The following CADPS2 variants were observed in gnomAD, a reference collection of about 807,000 sequenced individuals.
The protein encoded by CADPS2 is calcium dependent secretion activator 2, also known as calcium-dependent secretion activator 2.
CADPS2 carries 93 observed loss-of-function variants against 172.5 expected under a neutral mutation model. The observed-to-expected ratio is 0.54, with a 90% CI of 0.46 to 0.64. The LOEUF is 0.64. Ranked by LOEUF, CADPS2 falls within the 30% of genes least tolerant of loss-of-function variation. The pLI is 0.00. For synonymous variants in CADPS2, 546 were observed against 555.2 expected, an observed-to-expected ratio of 0.98 and a Z score of 0.23; for missense variants, 1,420 against 1,565.9, an observed-to-expected ratio of 0.91 and a Z score of 1.57.
At chr7:122,557,738 G>C (rs1250450884) in intron 7 of CADPS2, among the ~76,000 whole-genome samples, 1 of 152,114 alleles carries the variant, frequency 6.6e-6, no homozygotes, top group African/African-American at 2.4e-5. Context: ...TGGCCACAAG[G>C]GTGAACTATG....
intron 3 of CADPS2, among the ~76,000 whole-genome samples, chr7:122,647,188 G>A (rs1025102040): frequency 8.6e-5 from 13 of 151,660 alleles, no homozygotes; most frequent in East Asian, 3.8e-4. Flanking sequence ...CACAGTAAGC[G>A]CAGTGAACTT....
chr7:122,454,976 G>A (rs2053584341), intron 14 of CADPS2, among the ~76,000 whole-genome samples: 2 of 152,168 alleles, frequency 1.3e-5, no homozygotes, highest in Admixed American at 6.5e-5. Context: ...ACACTACTCC[G>A]AGCCTCTTCA....
intron 1 of CADPS2, among the ~76,000 whole-genome samples, chr7:122,750,733 CT>C (rs2092917589): frequency 6.6e-6 from 1 of 152,080 alleles, no homozygotes; most frequent in Non-Finnish European, 1.5e-5. Context: ...TTACAATCCC[CT>C]GAAGAGCTTT....
chr7:122,419,256 A>G lies in CADPS2; in HGVS notation c.2477-3092T>C, dbSNP rs551451840. Among the ~76,000 whole-genome samples, 379 of 152,348 alleles carry G rather than the reference A, an allele frequency of 2.5e-3. 3 individuals carry two copies. The highest frequency in any genetic ancestry group is 8.7e-3 in the African/African-American group (360 of 41,582). ...AATTTTTAATTTTGCATGCGATTGCAAAGAGCTCATCTGTATCTAATACAT... is the reference window on the plus strand; with the variant it reads ...AATTTTTAATTTTGCATGCGATTGCGAAGAGCTCATCTGTATCTAATACAT... On this transcript the variant is annotated intron_variant, in intron 17 of 29. Transcript: ENST00000449022.
At chr7:122,638,830 T>G (rs2077322362) in intron 3 of CADPS2, among the ~76,000 whole-genome samples, 1 of 152,218 alleles carries the variant, frequency 6.6e-6, no homozygotes, top group Non-Finnish European at 1.5e-5. Flanking sequence ...CTGTTCTCCA[T>G]GTCCCATTAC....
At chr7:122,471,120 G>C (rs936269647) in intron 14 of CADPS2, among the ~76,000 whole-genome samples, 4 of 152,034 alleles carry the variant, frequency 2.6e-5, no homozygotes, top group African/African-American at 4.8e-5. Flanking sequence ...GAACTAAAAG[G>C]CAGTTTCTAA....
At chr7:122,492,846 T>C (rs1192234936) in intron 9 of CADPS2, among the ~76,000 whole-genome samples, 4 of 152,204 alleles carry the variant, frequency 2.6e-5, no homozygotes, top group Non-Finnish European at 5.9e-5. Flanking sequence ...CACAGGCACA[T>C]CTACCATGCC....
At chr7:122,568,085 A>G (rs1052844487) in intron 7 of CADPS2, among the ~76,000 whole-genome samples, 3 of 152,098 alleles carry the variant, frequency 2.0e-5, no homozygotes, top group African/African-American at 7.2e-5. Flanking sequence ...GGAAAAATAG[A>G]ACATGCTAAT....
chr7:122,412,996 A>C (rs562056460), intron 19 of CADPS2: 1 of 152,400 alleles, frequency 6.6e-6, no homozygotes, highest in African/African-American at 2.4e-5. Flanking sequence ...TTAAATTGCA[A>C]AACAGCAATG....
chr7:122,838,064 CA>C (rs1454602528), intron 1 of CADPS2, among the ~76,000 whole-genome samples: 2 of 152,142 alleles, frequency 1.3e-5, no homozygotes, highest in Non-Finnish European at 2.9e-5. Flanking sequence ...AGCAGCACAT[CA>C]AAAAGCTTAT....
At chr7:122,752,670 G>T (rs2092997934) in intron 1 of CADPS2, among the ~76,000 whole-genome samples, 1 of 151,994 alleles carries the variant, frequency 6.6e-6, no homozygotes, top group Non-Finnish European at 1.5e-5. Context: ...AATGCCTAGT[G>T]TTCTACAATG....
At chr7:122,503,952 T>G (rs1011152900) in intron 9 of CADPS2, among the ~76,000 whole-genome samples, 5 of 152,146 alleles carry the variant, frequency 3.3e-5, no homozygotes, top group African/African-American at 1.2e-4. Context: ...AGCATTCTAT[T>G]TTCAATAGTG....
chr7:122,684,199 G>T (rs1383697262), intron 2 of CADPS2, among the ~76,000 whole-genome samples: 1 of 152,062 alleles, frequency 6.6e-6, no homozygotes, highest in Non-Finnish European at 1.5e-5. Context: ...ATATCCATCA[G>T]CCTGTGGTTA....
chr7:122,351,971 A>G (rs1428727943), intron 27 of CADPS2, among the ~76,000 whole-genome samples: 1 of 152,214 alleles, frequency 6.6e-6, no homozygotes, highest in African/African-American at 2.4e-5. Context: ...ATATTAAAAT[A>G]AATACTGAAT....
intron 1 of CADPS2, among the ~76,000 whole-genome samples, chr7:122,777,211 T>C (rs943594528): frequency 1.3e-5 from 2 of 152,024 alleles, no homozygotes; most frequent in Non-Finnish European, 2.9e-5. Context: ...TTAAGTAAAA[T>C]AGCTTATTTC....
At chr7:122,722,007 ACT>A (rs1395469100) in intron 2 of CADPS2, among the ~76,000 whole-genome samples, 1 of 152,074 alleles carries the variant, frequency 6.6e-6, no homozygotes. Flanking sequence ...CATGCTAAAA[ACT>A]CTCAATAAAT....
At chr7:122,418,235 T>C (rs1171152772) in intron 17 of CADPS2, among the ~76,000 whole-genome samples, 1 of 152,122 alleles carries the variant, frequency 6.6e-6, no homozygotes, top group Non-Finnish European at 1.5e-5. Flanking sequence ...GCCAGGGCGC[T>C]TCCCACGTGT....
Position 122,886,324 on chromosome 7 carries a change from G to A in CADPS2, c.14C>T (p.Ser5Phe), listed in dbSNP as rs1824375159. Residue 5 changes from serine to phenylalanine, a missense_variant, in exon 1 of 30, where the codon TCT becomes TTT. Physicochemically the swap from Ser to Phe is radical, Grantham distance 155. Coordinates refer to ENST00000449022, the MANE Select transcript of CADPS2 (RefSeq NM_017954.11). MLDP[S>F]SSEEESDEGL... ...CTCGTCCGACTCCTCTTCGCTGGAAGACGGGTCCAGCATGGTGCTCGGGGA... is the reference window on the plus strand; with the variant it reads ...CTCGTCCGACTCCTCTTCGCTGGAAAACGGGTCCAGCATGGTGCTCGGGGA... 1.3e-6 allele frequency: 2 copies of A among 1,503,026 alleles called. No homozygotes were observed. The highest frequency in any genetic ancestry group is 1.8e-6 in the Non-Finnish European group (2 of 1,134,714). 93.1% of individuals were successfully genotyped at this position (1,503,026 alleles called of 1,614,324 possible).
chr7:122,459,155 T>C (rs527545693), intron 14 of CADPS2, among the ~76,000 whole-genome samples: 89 of 151,906 alleles, frequency 5.9e-4, no homozygotes, highest in Non-Finnish European at 1.2e-3. Flanking sequence ...CATAATTTGA[T>C]TGTTTTAACG....
Sources: allele counts gnomAD v4.1 joint callset (sites outside exome capture counted in the v4.1 genomes callset), GRCh38; gene constraint gnomAD v4.1.1; transcripts MANE v1.5; gene names NCBI Gene and HGNC (gene_info 2026-07-23, HGNC 2026-07-21).